The following ATRNL1 variants were observed in gnomAD, a reference collection of about 807,000 sequenced individuals.
ATRNL1 encodes the protein attractin-like protein 1.
ATRNL1 carries 95 observed loss-of-function variants against 182.7 expected under a neutral mutation model. That is an observed-to-expected ratio of 0.52 (90% CI 0.44 to 0.62). The LOEUF (loss-of-function observed/expected upper bound fraction) is 0.62, where lower values mean the gene tolerates loss of function less well. ATRNL1 is among the 20% of genes least tolerant of loss of function. The probability of loss-of-function intolerance (pLI) is 0.00; values close to 1 mark genes in which losing one functional copy is unlikely to be tolerated. For missense variants in ATRNL1, 1,471 were observed against 1,679.5 expected (o/e 0.88, Z 2.17); for synonymous variants, 576 against 568.3 (o/e 1.01, Z -0.19).
intron 9 of ATRNL1, among the ~76,000 whole-genome samples, chr10:115,223,616 G>C (rs782800297): frequency 2.0e-5 from 3 of 151,780 alleles, no homozygotes; most frequent in Non-Finnish European, 2.9e-5. Context: ...ATAGGACAAT[G>C]AACAATTTTG....
chr10:115,123,679 G>A (rs1434415345), intron 3 of ATRNL1, among the ~76,000 whole-genome samples: 2 of 152,040 alleles, frequency 1.3e-5, no homozygotes, highest in South Asian at 2.1e-4. Context: ...CCAGATCCCC[G>A]TACCAGTCCA....
chr10:115,208,100 G>T (rs782594782), intron 8 of ATRNL1, among the ~76,000 whole-genome samples: 7 of 151,820 alleles, frequency 4.6e-5, no homozygotes, highest in African/African-American at 1.7e-4. Context: ...CTAATCTTGT[G>T]CTAATTCTGT....
At chr10:115,179,765 A>G (rs1158559569) in intron 8 of ATRNL1, among the ~76,000 whole-genome samples, 1 of 152,118 alleles carries the variant, frequency 6.6e-6, no homozygotes, top group Non-Finnish European at 1.5e-5. Context: ...AACATTTCAG[A>G]ATAGCATGGA....
chr10:115,777,846 G>T (rs1490356274), intron 27 of ATRNL1, among the ~76,000 whole-genome samples: 2 of 152,066 alleles, frequency 1.3e-5, no homozygotes, highest in African/African-American at 4.8e-5. Context: ...AGAAGTAAAT[G>T]ATTAAGAATC....
At chr10:115,900,863 G>A (rs1479022938) in intron 28 of ATRNL1, among the ~76,000 whole-genome samples, 1 of 152,188 alleles carries the variant, frequency 6.6e-6, no homozygotes, top group Admixed American at 6.5e-5. Flanking sequence ...AAGGGCAAAA[G>A]ATTAAAGGGT....
chr10:115,291,150 G>A (rs1468072383), intron 15 of ATRNL1, among the ~76,000 whole-genome samples: 1 of 152,100 alleles, frequency 6.6e-6, no homozygotes, highest in East Asian at 1.9e-4. Flanking sequence ...TTGTTAAAAG[G>A]GAAGTCTTGC....
At chr10:115,407,913 GACACAGCCATTTTA>G (rs546822117) in intron 20 of ATRNL1, among the ~76,000 whole-genome samples, 4 of 148,448 alleles carry the variant, frequency 2.7e-5, no homozygotes, top group East Asian at 2.0e-4. Flanking sequence ...GTCTTAAAAA[GACACAGCCATTTTA>G]ACACAGCCAT....
rs782457566 is a variant in ATRNL1 at position 115,268,380 on chromosome 10, A to G, written c.2036A>G (p.Asn679Ser). ...RYADCASCTANTNGCQWCDDK... is the reference protein window; with the variant it reads ...RYADCASCTASTNGCQWCDDK... ...GCAGATTGTGCCAGCTGTACTGCCA[A>G]TACAAATGGGTGCCAATGGTGTGAT... is the stretch of plus-strand genomic sequence containing the variant. Residue 679 changes from asparagine (N) to serine (S), a missense_variant, in exon 13 of 29, where the codon AAT becomes AGT. Around this residue, in one of 3 missense-constraint regions of ATRNL1, gnomAD observed 1,031 missense variants for 1,156.0 expected, o/e 0.89. Transcript: ENST00000355044. 14 of 1,613,728 alleles carry G rather than the reference A, an allele frequency of 8.7e-6. No homozygotes were observed. Among genetic ancestry groups the G allele is most frequent in the East Asian group, 4.5e-5 (2 of 44,872 alleles).
chr10:115,800,962 T>C (rs1450259809), intron 27 of ATRNL1, among the ~76,000 whole-genome samples: 1 of 152,226 alleles, frequency 6.6e-6, no homozygotes, highest in Non-Finnish European at 1.5e-5. Context: ...CTTGTTATTC[T>C]CTAAGGAAAA....
intron 6 of ATRNL1, among the ~76,000 whole-genome samples, chr10:115,163,962 C>A (rs1486862567): frequency 2.0e-5 from 3 of 152,144 alleles, no homozygotes; most frequent in East Asian, 1.9e-4. Flanking sequence ...AATTTGGTAA[C>A]CCTTACCTTT....
intron 8 of ATRNL1, among the ~76,000 whole-genome samples, chr10:115,175,333 A>T (rs1847460881): frequency 6.6e-6 from 1 of 152,038 alleles, no homozygotes; most frequent in Non-Finnish European, 1.5e-5. Context: ...TTAGTGATAA[A>T]TATTGATATA....
At chr10:115,604,207 G>A (rs1331861951) in intron 26 of ATRNL1, among the ~76,000 whole-genome samples, 2 of 152,072 alleles carry the variant, frequency 1.3e-5, no homozygotes, top group African/African-American at 4.8e-5. Context: ...GAATTTGGTT[G>A]TATTTTTAAT....
intron 26 of ATRNL1, among the ~76,000 whole-genome samples, chr10:115,570,364 G>A (rs1854317798): frequency 6.6e-6 from 1 of 152,110 alleles, no homozygotes; most frequent in East Asian, 1.9e-4. Flanking sequence ...CCATCACCCT[G>A]GGGGTTAAGA....
intron 25 of ATRNL1, among the ~76,000 whole-genome samples, chr10:115,529,285 T>G (rs371815247): frequency 4.6e-5 from 7 of 152,116 alleles, no homozygotes; most frequent in Admixed American, 2.6e-4. Flanking sequence ...ATTTTTAACT[T>G]AAATATAGTA....
chr10:115,191,786 C>T (rs1418593340), intron 8 of ATRNL1, among the ~76,000 whole-genome samples: 1 of 152,076 alleles, frequency 6.6e-6, no homozygotes, highest in Non-Finnish European at 1.5e-5. Context: ...TCCCTGAGGC[C>T]TCCTCAGCCA....
At position 115,160,075 on chromosome 10, in the gene ATRNL1, T is replaced by G. The variant is rs1846706707; in HGVS notation, c.865T>G (p.Ser289Ala). 2 of 1,612,302 alleles carry G rather than the reference T, an allele frequency of 1.2e-6. No homozygotes were observed. The highest frequency in any genetic ancestry group is 1.7e-6 in the Non-Finnish European group (2 of 1,179,020). Residue 289 changes from serine (S) to alanine (A), a missense_variant, in exon 6 of 29, where the codon TCT becomes GCT. Physicochemically the swap from Ser to Ala is moderately conservative, Grantham distance 99. Transcript: ENST00000355044. ...DCSLNVPSTE[S>A]YWILPNVKPF... Reference sequence around the variant, plus strand: ...TTCTTTGAATGTTCCCTCTACTGAGTCTTACTGGATTCTGCCAAACGTTAA... The same window carrying G: ...TTCTTTGAATGTTCCCTCTACTGAGGCTTACTGGATTCTGCCAAACGTTAA...
chr10:115,474,340 T>G (rs1554972682), intron 24 of ATRNL1, among the ~76,000 whole-genome samples: 1 of 151,450 alleles, frequency 6.6e-6, no homozygotes, highest in Non-Finnish European at 1.5e-5. Context: ...AAGTATTCTC[T>G]TATATGTGAT....
intron 9 of ATRNL1, among the ~76,000 whole-genome samples, chr10:115,219,993 G>A (rs1554897077): frequency 1.3e-5 from 2 of 152,086 alleles, no homozygotes; most frequent in African/African-American, 2.4e-5. Flanking sequence ...AAAAACAAAC[G>A]TTTTATTGTC....
chr10:115,349,326 G>A lies in ATRNL1; in HGVS notation c.3175+14907G>A, dbSNP rs74705263. The stretch of plus-strand genomic sequence containing the variant: ...AATGGTGGAATAATGTTCCATTTGT[G>A]TATATATACCACATTTTCTTTCATT... On this transcript the variant is annotated intron_variant, in intron 19 of 28. Transcript: ENST00000355044. Among the ~76,000 whole-genome samples, 241 of 152,292 alleles carry A rather than the reference G, an allele frequency of 1.6e-3. 1 individual carries two copies. The highest frequency in any genetic ancestry group is 5.5e-3 in the African/African-American group (227 of 41,560).
Sources: gnomAD v4.1 joint callset for allele counts (sites outside exome capture counted in the v4.1 genomes callset) on GRCh38, gnomAD v4.1.1 for gene constraint, gnomAD v4.1.1 regional missense constraint, MANE v1.5 for transcripts, NCBI Gene and HGNC (gene_info 2026-07-23, HGNC 2026-07-21) for gene names.